Variants in RTF1 observed in about 807,000 individuals in gnomAD.
RTF1 encodes the protein RTF1 homolog, Paf1/RNA polymerase II complex component.
In RTF1, 10 loss-of-function variants were observed where a neutral mutation model predicts 95.7. The observed-to-expected ratio is 0.10, with a 90% CI of 0.06 to 0.18. The LOEUF is 0.18. RTF1 is among the 10% of genes least tolerant of loss of function. The pLI is 1.00. For synonymous variants in RTF1, 305 were observed against 311.8 expected, an observed-to-expected ratio of 0.98 and a Z score of 0.23; for missense variants, 458 against 875.6, an observed-to-expected ratio of 0.52 and a Z score of 6.02.
chr15:41,445,449 G>A (rs547095625), intron 2 of RTF1, among the ~76,000 whole-genome samples: 1 of 152,106 alleles, frequency 6.6e-6, no homozygotes, highest in South Asian at 2.1e-4. Context: ...TCATTTTTTG[G>A]TATCACTTCT....
At chr15:41,470,820 G>A (rs557029347) in intron 7 of RTF1, among the ~76,000 whole-genome samples, 5 of 151,706 alleles carry the variant, frequency 3.3e-5, no homozygotes, top group Admixed American at 6.6e-5. Flanking sequence ...CACTACGCCC[G>A]GCTAATTTTT....
chr15:41,461,497 CT>C (rs775239363), intron 4 of RTF1, among the ~76,000 whole-genome samples: 278 of 138,028 alleles, frequency 2.0e-3, no homozygotes, highest in African/African-American at 2.1e-3. Flanking sequence ...ATTTTTCTTT[CT>C]TTTTTTTTTT....
intron 3 of RTF1, 139 bp from the exon 4 acceptor site, chr15:41,457,533 A>T: frequency 1.2e-6 from 1 of 823,368 alleles, no homozygotes; most frequent in South Asian, 1.7e-5. Flanking sequence ...CTCAAAAAAA[A>T]AGTAAAAACA....
At chr15:41,479,344 C>A in intron 16 of RTF1, 146 bp downstream of exon 16, 1 of 610,348 alleles carries the variant, frequency 1.6e-6, no homozygotes, top group Non-Finnish European at 3.0e-6. Context: ...CAGTTATTTA[C>A]AGATATAATC....
intron 1 of RTF1, 36 bp downstream of exon 1, chr15:41,417,349 C>T: frequency 8.0e-7 from 1 of 1,244,884 alleles, no homozygotes; most frequent in Non-Finnish European, 1.0e-6. Flanking sequence ...GCCGGCGGAG[C>T]CAGAGGGCTG....
chr15:41,452,504 C>A (rs374916367), intron 2 of RTF1, among the ~76,000 whole-genome samples: 19 of 151,912 alleles, frequency 1.3e-4, no homozygotes, highest in Non-Finnish European at 2.2e-4. Flanking sequence ...GAGGCCGATA[C>A]AGGAGGATTG....
At chr15:41,433,783 A>C (rs1002927788) in intron 1 of RTF1, among the ~76,000 whole-genome samples, 1 of 151,912 alleles carries the variant, frequency 6.6e-6, no homozygotes, top group Non-Finnish European at 1.5e-5. Context: ...ATACATGAAC[A>C]TACAATTACC....
intron 2 of RTF1, among the ~76,000 whole-genome samples, chr15:41,444,575 G>A (rs2050751549): frequency 6.6e-6 from 1 of 152,118 alleles, no homozygotes; most frequent in Admixed American, 6.6e-5. Context: ...GATTACAGGC[G>A]TGACCATCGC....
At chr15:41,468,026 G>A (rs538192114) in intron 6 of RTF1, among the ~76,000 whole-genome samples, 15 of 151,836 alleles carry the variant, frequency 9.9e-5, no homozygotes, top group Non-Finnish European at 1.8e-4. Context: ...TTAGTCAGGC[G>A]TGGTAGCACA....
chr15:41,435,596 A>G (rs1291094514), intron 1 of RTF1, among the ~76,000 whole-genome samples: 2 of 152,194 alleles, frequency 1.3e-5, no homozygotes, highest in Admixed American at 6.5e-5. Flanking sequence ...GGAAGTTGGT[A>G]TGTTAACTCT....
At chr15:41,467,887 A>G (rs1328843837) in intron 6 of RTF1, among the ~76,000 whole-genome samples, 2 of 151,924 alleles carry the variant, frequency 1.3e-5, no homozygotes, top group South Asian at 4.2e-4. Flanking sequence ...TAGCCAGGCC[A>G]GGCACGGTGG....
rs2050977436 is a variant in RTF1 at position 41,481,886 on chromosome 15, TCTGA to T, written c.*1202_*1205del. Reference sequence around the variant, plus strand: ...CCTGAGGTCAGGAGTTCAAGACCAATCTGACTAACACGGTGAAACCCCATCTCTA... The same window carrying T: ...CCTGAGGTCAGGAGTTCAAGACCAATCTAACACGGTGAAACCCCATCTCTA... On this transcript the variant is annotated 3_prime_UTR_variant, in exon 18 of 18. Coordinates refer to ENST00000389629, the MANE Select transcript of RTF1 (RefSeq NM_015138.5). 6.6e-6 allele frequency: 1 copy of T among 152,182 alleles called. No homozygotes were observed. Among genetic ancestry groups the T allele is most frequent in the Non-Finnish European group, 1.5e-5 (1 of 68,060 alleles). The allele number at this position is 152,182 out of a possible 1,614,324, so 9.4% of individuals were successfully genotyped here. A position where few individuals can be genotyped will look rare whatever the true frequency, so the allele number is the denominator to read the frequency against.
chr15:41,428,006 T>C (rs2050645488), intron 1 of RTF1, among the ~76,000 whole-genome samples: 1 of 151,700 alleles, frequency 6.6e-6, no homozygotes. Context: ...AGGCTGGTCT[T>C]GATCTCCTGA....
intron 1 of RTF1, 56 bp from the exon 2 acceptor site, chr15:41,438,265 C>G: frequency 1.7e-5 from 20 of 1,207,366 alleles, no homozygotes; most frequent in Non-Finnish European, 2.3e-5. Flanking sequence ...TTTTATTATT[C>G]TTGGATATTC....
intron 7 of RTF1, 74 bp downstream of exon 7, chr15:41,470,466 A>C (rs911825802): frequency 2.6e-6 from 4 of 1,521,984 alleles, no homozygotes; most frequent in African/African-American, 2.8e-5. Flanking sequence ...ATCGTTTCCA[A>C]AATCTCCCTG....
rs2050985968 is a variant in RTF1 at position 41,482,980 on chromosome 15, C to T, written c.*2293C>T. On this transcript the variant is annotated 3_prime_UTR_variant, in exon 18 of 18. Transcript: ENST00000389629. ...TGTAATAAAATTTTTATTAAAACTG[C>T]ATCACACTGTAGCCACTTTGCCACC... is the stretch of plus-strand genomic sequence containing the variant. 1 of 152,652 alleles carries T rather than the reference C, an allele frequency of 6.6e-6. No homozygotes were observed. Among genetic ancestry groups the T allele is most frequent in the Non-Finnish European group, 1.5e-5 (1 of 68,040 alleles). 9.5% of individuals were successfully genotyped at this position (152,652 alleles called of 1,614,324 possible).
intron 13 of RTF1, 46 bp from the exon 14 acceptor site, chr15:41,477,412 C>G (rs1443407296): frequency 1.2e-6 from 2 of 1,612,690 alleles, no homozygotes; most frequent in South Asian, 1.1e-5. Flanking sequence ...GTGGTTCCCT[C>G]CCTCCCTTGT....
chr15:41,455,919 T>G (rs2050812421), intron 3 of RTF1, among the ~76,000 whole-genome samples: 1 of 150,534 alleles, frequency 6.6e-6, no homozygotes, highest in Non-Finnish European at 1.5e-5. Context: ...AAAGAACTTA[T>G]CCATGTAATC....
At chr15:41,432,476 C>T (rs931158311) in intron 1 of RTF1, among the ~76,000 whole-genome samples, 9 of 151,688 alleles carry the variant, frequency 5.9e-5, no homozygotes, top group African/African-American at 1.7e-4. Flanking sequence ...GGATTACAGG[C>T]GTGAGCCACT....
Sources: gnomAD v4.1 joint callset for allele counts (sites outside exome capture counted in the v4.1 genomes callset) on GRCh38, gnomAD v4.1.1 for gene constraint, MANE v1.5 for transcripts, NCBI Gene and HGNC (gene_info 2026-07-23, HGNC 2026-07-21) for gene names.